ADGB: variants seen among roughly 807,000 people sequenced by gnomAD.
ADGB encodes the protein androglobin, also known as calpain-7-like protein.
Under a neutral mutation model 210.5 loss-of-function variants are expected in ADGB, and 172 were observed. The ratio of observed to expected loss-of-function variants is 0.82; its 90% confidence interval spans 0.72 to 0.93. The LOEUF (loss-of-function observed/expected upper bound fraction) is 0.93, where lower values mean the gene tolerates loss of function less well. Among genes scored for constraint, ADGB ranks in the 40% least tolerant of loss-of-function variants. The pLI, the probability that ADGB is intolerant of heterozygous loss-of-function variation, is 0.00. For missense variants in ADGB, 2,025 were observed against 1,964.8 expected (o/e 1.03, Z -0.58); for synonymous variants, 658 against 662.7 (o/e 0.99, Z 0.11).
chr6:146,715,466 A>C (rs1008496458), intron 14 of ADGB, 51 bp downstream of exon 14: 2 of 1,310,876 alleles, frequency 1.5e-6, no homozygotes, highest in African/African-American at 3.1e-5. Context: ...CAAGATACAG[A>C]GGGGCATCTC....
intron 23 of ADGB, among the ~76,000 whole-genome samples, chr6:146,736,995 C>A (rs576825943): frequency 7.2e-5 from 11 of 152,008 alleles, no homozygotes; most frequent in African/African-American, 2.4e-4. Flanking sequence ...TGCATTCTAG[C>A]CATAACTCAT....
At chr6:146,711,288 A>C (rs1246414597) in intron 13 of ADGB, among the ~76,000 whole-genome samples, 2 of 152,206 alleles carry the variant, frequency 1.3e-5, no homozygotes, top group Admixed American at 6.5e-5. Flanking sequence ...CAAACACTAC[A>C]AAAATTATAA....
In ADGB at chr6:146,613,507, C is replaced by T. The variant is rs75781165; in HGVS notation, c.74+14393C>T. ...AAAATCATGTCCTTACACTGAACAG[C>T]ATGCCTTAAGAAAATAATGGCAAAA... On this transcript the variant is annotated intron_variant, in intron 1 of 35. Transcript: ENST00000397944. Among the ~76,000 whole-genome samples the T allele has an allele frequency of 3.7e-3, 567 of 152,290 alleles. 8 individuals carry two copies. The East Asian group carries it at 0.049, about 13-fold the overall frequency.
chr6:146,677,015 A>AT (rs1333421527), intron 9 of ADGB, among the ~76,000 whole-genome samples: 1 of 152,188 alleles, frequency 6.6e-6, no homozygotes, highest in Non-Finnish European at 1.5e-5. Context: ...TTTTGTGAAA[A>AT]TGCTAGGGTT....
intron 7 of ADGB, among the ~76,000 whole-genome samples, chr6:146,671,862 C>T (rs1407416440): frequency 6.6e-6 from 1 of 152,100 alleles, no homozygotes; most frequent in Non-Finnish European, 1.5e-5. Flanking sequence ...AGATAAGGAC[C>T]TTCTACATAA....
At chr6:146,763,106 G>C (rs369507854) in intron 27 of ADGB, among the ~76,000 whole-genome samples, 7 of 152,206 alleles carry the variant, frequency 4.6e-5, no homozygotes, top group African/African-American at 1.7e-4. Context: ...CACTACTTTG[G>C]GCTGTACTTC....
At chr6:146,658,483 G>C (rs556158515) in intron 5 of ADGB, among the ~76,000 whole-genome samples, 1 of 152,214 alleles carries the variant, frequency 6.6e-6, no homozygotes, top group Admixed American at 6.5e-5. Context: ...TCCCACATTT[G>C]TCTAAACTTG....
chr6:146,718,266 G>T (rs1043213169), intron 16 of ADGB, among the ~76,000 whole-genome samples: 7 of 144,760 alleles, frequency 4.8e-5, no homozygotes, highest in Non-Finnish European at 9.0e-5. Flanking sequence ...AGAATCGCTT[G>T]AACCTGGGAG....
intron 13 of ADGB, among the ~76,000 whole-genome samples, chr6:146,715,139 T>A (rs1776714798): frequency 6.6e-6 from 1 of 152,226 alleles, no homozygotes; most frequent in Admixed American, 6.5e-5. Context: ...AATCATTTAG[T>A]AAATTAACAT....
chr6:146,716,172 G>A (rs953654263), intron 14 of ADGB, among the ~76,000 whole-genome samples: 2 of 151,982 alleles, frequency 1.3e-5, no homozygotes, highest in Non-Finnish European at 2.9e-5. Flanking sequence ...TGTTGCACCA[G>A]ATCTTTCAAG....
intron 25 of ADGB, among the ~76,000 whole-genome samples, chr6:146,743,709 A>T (rs12201924): frequency 0.56 from 85,104 of 152,008 alleles, 25,640 homozygotes; most frequent in African/African-American, 0.78. Flanking sequence ...AGGTCAGGAG[A>T]TCGAGACCAG....
chr6:146,709,851 T>G (rs1776634416), intron 13 of ADGB, among the ~76,000 whole-genome samples: 1 of 152,152 alleles, frequency 6.6e-6, no homozygotes, highest in Non-Finnish European at 1.5e-5. Context: ...CAATGTGTCT[T>G]ATTTCTGTGC....
At chr6:146,654,303 A>T (rs572635758) in intron 4 of ADGB, 97 bp downstream of exon 4, 51 of 686,208 alleles carry the variant, frequency 7.4e-5, no homozygotes, top group Non-Finnish European at 1.1e-4. Flanking sequence ...TCCCTTGCTC[A>T]CCTTTAAGTT....
intron 28 of ADGB, among the ~76,000 whole-genome samples, chr6:146,768,762 G>A (rs758141089): frequency 6.6e-6 from 1 of 152,154 alleles, no homozygotes. Context: ...ATAGCAGTGA[G>A]ATTTCACTTT....
At chr6:146,797,505 G>T (rs775970023) in intron 33 of ADGB, among the ~76,000 whole-genome samples, 1 of 151,086 alleles carries the variant, frequency 6.6e-6, no homozygotes, top group Non-Finnish European at 1.5e-5. Flanking sequence ...AGAAAATGTG[G>T]TATATATATA....
intron 3 of ADGB, among the ~76,000 whole-genome samples, chr6:146,649,356 G>A (rs1450686813): frequency 6.6e-6 from 1 of 151,682 alleles, no homozygotes; most frequent in African/African-American, 2.4e-5. Flanking sequence ...GTTTTTGGCT[G>A]GGTTGATAGT....
At chr6:146,649,203 C>T (rs1329945705) in intron 3 of ADGB, among the ~76,000 whole-genome samples, 2 of 144,686 alleles carry the variant, frequency 1.4e-5, no homozygotes, top group Admixed American at 7.0e-5. Context: ...CTGTAAACAT[C>T]GGGTATTCAC....
At chr6:146,670,225 C>T (rs1014199936) in intron 7 of ADGB, among the ~76,000 whole-genome samples, 1 of 152,022 alleles carries the variant, frequency 6.6e-6, no homozygotes, top group Non-Finnish European at 1.5e-5. Flanking sequence ...CAGATCATAT[C>T]GTTTTCCTCG....
intron 35 of ADGB, among the ~76,000 whole-genome samples, chr6:146,805,663 T>C (rs1778200813): frequency 6.6e-6 from 1 of 152,178 alleles, no homozygotes; most frequent in Non-Finnish European, 1.5e-5. Context: ...TCTGGGCCTT[T>C]GACCTCACTC....
Sources: gnomAD v4.1 joint callset for allele counts (sites outside exome capture counted in the v4.1 genomes callset) on GRCh38, gnomAD v4.1.1 for gene constraint, MANE v1.5 for transcripts, NCBI Gene and HGNC (gene_info 2026-07-23, HGNC 2026-07-21) for gene names.